The following FAM135B variants were observed in gnomAD, a reference collection of about 807,000 sequenced individuals.
FAM135B encodes protein FAM135B.
Under a neutral mutation model 127.7 loss-of-function variants are expected in FAM135B, and 43 were observed. The ratio of observed to expected loss-of-function variants is 0.34; its 90% confidence interval spans 0.26 to 0.43. FAM135B has a LOEUF of 0.43. FAM135B is among the 20% of genes least tolerant of loss of function. FAM135B has a pLI of 1.00. For synonymous variants in FAM135B, 670 were observed against 665.1 expected (o/e 1.01, Z -0.11); for missense variants, 1,558 against 1,725.6 (o/e 0.90, Z 1.72).
intron 6 of FAM135B, among the ~76,000 whole-genome samples, chr8:138,245,049 T>G (rs973180351): frequency 6.6e-6 from 1 of 152,214 alleles, no homozygotes; most frequent in Non-Finnish European, 1.5e-5. Context: ...CCAGCTGCTG[T>G]GATCCAACTG....
chr8:138,165,942 A>G (rs1188724794), intron 12 of FAM135B, among the ~76,000 whole-genome samples: 1 of 152,198 alleles, frequency 6.6e-6, no homozygotes, highest in African/African-American at 2.4e-5. Flanking sequence ...TTGGATTTTT[A>G]AAATATCCTA....
At chr8:138,247,464 T>C (rs1821376736) in intron 6 of FAM135B, among the ~76,000 whole-genome samples, 1 of 152,178 alleles carries the variant, frequency 6.6e-6, no homozygotes, top group African/African-American at 2.4e-5. Flanking sequence ...GCTCAGCACT[T>C]CTCTTTGATG....
In FAM135B at chr8:138,152,724, T is replaced by A. The variant is rs373961255; in HGVS notation, c.1751A>T (p.Lys584Met). The change falls in exon 13 of 20, where the codon AAG becomes ATG. Residue 584 changes from lysine to methionine, a missense_variant. Lys to Met is a moderately conservative substitution (Grantham distance 95). Around this residue, in one of 5 missense-constraint regions of FAM135B, gnomAD observed 923 missense variants for 865.3 expected, o/e 1.07. Coordinates refer to ENST00000395297, the MANE Select transcript of FAM135B (RefSeq NM_015912.4). ...TAGCCCAGTCCTGTCTAATCCATAC[T>A]TATCTCTAGAGCTCCTACTCTCATG... Reference protein sequence around the residue: ...AQHESRSSRDKYGLDRTGLSK... With the variant: ...AQHESRSSRDMYGLDRTGLSK... 1.2e-6 allele frequency: 2 copies of A among 1,614,208 alleles called. No individual in the cohort carries two copies. The highest frequency in any genetic ancestry group is 1.7e-6 in the Non-Finnish European group (2 of 1,180,034).
At chr8:138,330,050 G>A (rs1442054443) in intron 2 of FAM135B, among the ~76,000 whole-genome samples, 1 of 151,992 alleles carries the variant, frequency 6.6e-6, no homozygotes, top group Non-Finnish European at 1.5e-5. Context: ...CTGTCTGATG[G>A]GCTTGTTCTT....
chr8:138,363,170 T>C (rs1161927222), intron 2 of FAM135B, among the ~76,000 whole-genome samples: 2 of 152,316 alleles, frequency 1.3e-5, no homozygotes, highest in Admixed American at 6.5e-5. Flanking sequence ...AAGGTGGTCA[T>C]GACAACCTTT....
chr8:138,478,297 C>A (rs1814610212), intron 1 of FAM135B, among the ~76,000 whole-genome samples: 1 of 152,074 alleles, frequency 6.6e-6, no homozygotes, highest in Non-Finnish European at 1.5e-5. Context: ...GCTATAGGTC[C>A]TTGTCTTTGC....
intron 11 of FAM135B, among the ~76,000 whole-genome samples, chr8:138,173,155 T>C (rs1052907504): frequency 2.6e-5 from 4 of 152,166 alleles, no homozygotes; most frequent in Non-Finnish European, 4.4e-5. Flanking sequence ...GTGCGGCACA[T>C]AGGGAAAGAG....
chr8:138,137,810 A>T (rs1816791370), intron 18 of FAM135B, among the ~76,000 whole-genome samples: 1 of 151,984 alleles, frequency 6.6e-6, no homozygotes, highest in African/African-American at 2.4e-5. Flanking sequence ...AGACAGAGGG[A>T]CCCTTCAAAT....
At chr8:138,237,301 C>T (rs1251249681) in intron 7 of FAM135B, among the ~76,000 whole-genome samples, 2 of 152,032 alleles carry the variant, frequency 1.3e-5, no homozygotes, top group African/African-American at 4.8e-5. Context: ...GCTGGGATTA[C>T]AGATGCCCGC....
At chr8:138,251,211 C>A (rs1301067744) in intron 5 of FAM135B, among the ~76,000 whole-genome samples, 197 bp from the exon 6 acceptor site, 5 of 152,222 alleles carry the variant, frequency 3.3e-5, no homozygotes, top group African/African-American at 1.2e-4. Flanking sequence ...ACAGGTATCA[C>A]TAGATATCAC....
intron 9 of FAM135B, among the ~76,000 whole-genome samples, chr8:138,182,007 C>T (rs940777534): frequency 1.5e-4 from 23 of 152,232 alleles, no homozygotes; most frequent in African/African-American, 4.1e-4. Flanking sequence ...GCTCGGTGTC[C>T]GTGGGAGGTG....
chr8:138,210,482 G>C (rs545174813), intron 7 of FAM135B, among the ~76,000 whole-genome samples: 5 of 152,144 alleles, frequency 3.3e-5, no homozygotes, highest in Non-Finnish European at 5.9e-5. Flanking sequence ...GGCTTAACAG[G>C]AAGCATGACT....
At chr8:138,362,281 A>AT (rs1830472582) in intron 2 of FAM135B, among the ~76,000 whole-genome samples, 1 of 38,020 alleles carries the variant, frequency 2.6e-5, no homozygotes, top group Admixed American at 3.8e-4. Flanking sequence ...CCACCCCCAT[A>AT]TCTTTTTTTT....
intron 12 of FAM135B, among the ~76,000 whole-genome samples, chr8:138,161,427 A>G (rs1586647543): frequency 6.6e-6 from 1 of 152,180 alleles, no homozygotes; most frequent in East Asian, 1.9e-4. Flanking sequence ...ATAACCTCTC[A>G]TGTCTGTCTG....
chr8:138,386,872 A>T (rs1294131131), intron 1 of FAM135B, among the ~76,000 whole-genome samples: 1 of 152,098 alleles, frequency 6.6e-6, no homozygotes, highest in Non-Finnish European at 1.5e-5. Flanking sequence ...CATGAATGAG[A>T]CGGGAGTTCA....
chr8:138,132,922 C>A lies in FAM135B; in HGVS notation c.4016-124G>T. On this transcript the variant is annotated intron_variant, in intron 19 of 19. Coordinates refer to ENST00000395297, the MANE Select transcript of FAM135B (RefSeq NM_015912.4). This position sits in a 1 kb window ranked among gnomAD's most constrained non-coding sequence, Gnocchi z 4.5. ...GACCTGTTATACAGCAGTTTCCAAC[C>A]TCTTCCTAATGTTAGTGAAATTAAT... 1 of 772,442 alleles carries A rather than the reference C, an allele frequency of 1.3e-6. No individual in the cohort carries two copies. The allele number at this position is 772,442 out of a possible 1,614,324, so 47.8% of individuals were successfully genotyped here.
intron 1 of FAM135B, among the ~76,000 whole-genome samples, chr8:138,392,943 C>T (rs562078187): frequency 5.3e-5 from 8 of 152,240 alleles, no homozygotes; most frequent in Non-Finnish European, 8.8e-5. Context: ...AAGGCATAAC[C>T]GAGACTGGGC....
At position 138,168,137 on chromosome 8, in the gene FAM135B, T is replaced by G. The variant is rs1313454358; in HGVS notation, c.1104-88A>C. ...CCTCTTCCTAATCCCGGGAAAATACTCGGTTCTCAGCTGACTCTGGCAATT... is the reference window on the plus strand; with the variant it reads ...CCTCTTCCTAATCCCGGGAAAATACGCGGTTCTCAGCTGACTCTGGCAATT... On this transcript the variant is annotated intron_variant, in intron 11 of 19. Coordinates refer to ENST00000395297, the MANE Select transcript of FAM135B (RefSeq NM_015912.4). 6.3e-6 allele frequency: 9 copies of G among 1,427,962 alleles called. No homozygotes were observed. In the African/African-American group the frequency reaches 1.0e-4, roughly 16 times the overall value. 88.5% of individuals were successfully genotyped at this position (1,427,962 alleles called of 1,614,324 possible). A position where few individuals can be genotyped will look rare whatever the true frequency, so the allele number is the denominator to read the frequency against.
At chr8:138,203,589 T>C (rs1817321762) in intron 7 of FAM135B, among the ~76,000 whole-genome samples, 1 of 152,190 alleles carries the variant, frequency 6.6e-6, no homozygotes, top group African/African-American at 2.4e-5. Context: ...CCACTGTTTG[T>C]AAGAGAAAGT....
Sources: gnomAD v4.1 joint callset for allele counts (sites outside exome capture counted in the v4.1 genomes callset) on GRCh38, gnomAD v4.1.1 for gene constraint, gnomAD v4.1.1 regional missense constraint, Gnocchi (gnomAD v3.1) non-coding constraint, MANE v1.5 for transcripts, NCBI Gene and HGNC (gene_info 2026-07-23, HGNC 2026-07-21) for gene names.